SYNCRIP: variants seen among roughly 807,000 people sequenced by gnomAD.
SYNCRIP encodes the protein synaptotagmin binding cytoplasmic RNA interacting protein, also known as heterogeneous nuclear ribonucleoprotein Q.
A neutral mutation model predicts 68.9 loss-of-function variants in SYNCRIP; 9 were observed. The ratio of observed to expected loss-of-function variants is 0.13; its 90% CI spans 0.08 to 0.23. The LOEUF (loss-of-function observed/expected upper bound fraction) is 0.23. Ranked by LOEUF, SYNCRIP falls within the 10% of genes least tolerant of loss-of-function variation. The pLI is 1.00. For missense variants in SYNCRIP, 414 were observed against 770.6 expected, an observed-to-expected ratio of 0.54 and a Z score of 5.48; for synonymous variants, 258 against 254.0, an observed-to-expected ratio of 1.02 and a Z score of -0.15.
intron 9 of SYNCRIP, 152 bp downstream of exon 9, chr6:85,619,116 A>G (rs1249806211): frequency 1.5e-5 from 18 of 1,240,044 alleles, no homozygotes; most frequent in Admixed American, 7.6e-5. Flanking sequence ...TTTACTTAGA[A>G]AACTGCCAAC....
chr6:85,608,024 A>G (rs2128272000), downstream of SYNCRIP: 1 of 152,226 alleles, frequency 6.6e-6, no homozygotes, highest in South Asian at 2.1e-4. Flanking sequence ...TATATTGGCA[A>G]GTCCCCGATT....
At chr6:85,617,513 TCTTC>T (rs1344829413) in intron 10 of SYNCRIP, among the ~76,000 whole-genome samples, 1 of 152,234 alleles carries the variant, frequency 6.6e-6, no homozygotes. Flanking sequence ...CTTTTTGTAG[TCTTC>T]CTTCATTTAC....
intron 2 of SYNCRIP, among the ~76,000 whole-genome samples, chr6:85,640,973 GTTAT>G (rs575844068): frequency 9.9e-4 from 151 of 152,246 alleles, no homozygotes; most frequent in South Asian, 2.1e-3. Context: ...CAGTTACCAA[GTTAT>G]TTAAGAAGAA....
At chr6:85,631,889 A>G (rs145758968) in intron 6 of SYNCRIP, among the ~76,000 whole-genome samples, 43 of 152,330 alleles carry the variant, frequency 2.8e-4, no homozygotes, top group African/African-American at 9.4e-4. Flanking sequence ...TAAAGGTGAT[A>G]ACGTAGCATC....
intron 6 of SYNCRIP, among the ~76,000 whole-genome samples, chr6:85,631,912 T>A (rs1807842601): frequency 6.6e-6 from 1 of 152,212 alleles, no homozygotes; most frequent in African/African-American, 2.4e-5. Context: ...ACAAAGCTCC[T>A]GTCCCTTAAC....
At chr6:85,640,979 TAAG>T (rs1809071159) in intron 2 of SYNCRIP, among the ~76,000 whole-genome samples, 2 of 152,302 alleles carry the variant, frequency 1.3e-5, no homozygotes, top group African/African-American at 4.8e-5. Flanking sequence ...CCAAGTTATT[TAAG>T]AAGAATCCTA....
At chr6:85,632,762 T>C (rs767674204) in intron 6 of SYNCRIP, among the ~76,000 whole-genome samples, 3 of 151,400 alleles carry the variant, frequency 2.0e-5, no homozygotes, top group Non-Finnish European at 4.4e-5. Flanking sequence ...GACAACATAG[T>C]GAGACACCAC....
intron 1 of SYNCRIP, 80 bp from the exon 2 acceptor site, chr6:85,641,531 T>C (rs1195322872): frequency 1.4e-6 from 2 of 1,409,626 alleles, no homozygotes; most frequent in African/African-American, 1.4e-5. Flanking sequence ...ATCTTTACTT[T>C]CTCTACCATT....
intron 4 of SYNCRIP, among the ~76,000 whole-genome samples, chr6:85,638,666 A>T (rs956712702): frequency 5.9e-5 from 9 of 152,200 alleles, no homozygotes; most frequent in South Asian, 2.1e-4. Context: ...GTTTATGAAA[A>T]ATACTGTAAT....
rs1805501161 is a variant in SYNCRIP, at chr6:85,614,088, A to G, written c.*668T>C. ...TAAATCAGTGTTGTGTAATGTGCAG[A>G]CATATTCCACACAAGAATTAACAAG... On this transcript the variant is annotated 3_prime_UTR_variant, in exon 11 of 11. Coordinates refer to ENST00000369622, the MANE Select transcript of SYNCRIP (RefSeq NM_006372.5). 3 of 985,796 alleles carry G rather than the reference A, an allele frequency of 3.0e-6. No homozygotes were observed. Among genetic ancestry groups the G allele is most frequent in the Non-Finnish European group, 3.6e-6 (3 of 829,960 alleles). The allele number at this position is 985,796 out of a possible 1,614,324, so 61.1% of individuals were successfully genotyped here.
Position 85,615,229 on chromosome 6 carries a change from A to G in SYNCRIP, c.1399T>C (p.Tyr467His), listed in dbSNP as rs1421560945. ...TGGTAATCATAACCATAATAATCAT[A>G]ATAATCTTCATATCCATAATAATCT... ...PPDYYGYEDYYDYYGYDYHNY... is the reference protein window; with the variant it reads ...PPDYYGYEDYHDYYGYDYHNY... The change falls in exon 11 of 11, where the codon TAT becomes CAT. Residue 467 changes from tyrosine to histidine, a missense_variant. By Grantham distance (83) the Tyr-to-His change is moderately conservative (BLOSUM62 2). This residue lies in a region of SYNCRIP where 72 missense variants were observed against 119.8 expected (regional missense o/e 0.60). Coordinates refer to ENST00000369622, the MANE Select transcript of SYNCRIP (RefSeq NM_006372.5). 1 of 1,608,942 alleles carries G rather than the reference A, an allele frequency of 6.2e-7. No homozygotes were observed.
At chr6:85,626,887 G>A (rs1807098539) in intron 6 of SYNCRIP, among the ~76,000 whole-genome samples, 1 of 152,070 alleles carries the variant, frequency 6.6e-6, no homozygotes, top group Non-Finnish European at 1.5e-5. Context: ...GGATGGATGT[G>A]GTCTCTGAAC....
downstream of SYNCRIP, chr6:85,612,988 A>G: frequency 1.1e-5 from 16 of 1,505,344 alleles, no homozygotes; most frequent in Non-Finnish European, 1.4e-5. Context: ...GTACATACAT[A>G]ATGATAACAT....
At chr6:85,643,418 G>C (rs973757668), upstream of SYNCRIP, 1 of 152,182 alleles carries the variant, frequency 6.6e-6, no homozygotes, top group Admixed American at 6.5e-5. Context: ...CCTTGGGTTG[G>C]GGGTGGGGGA....
intron 10 of SYNCRIP, among the ~76,000 whole-genome samples, chr6:85,616,088 C>CT (rs1485453170): frequency 3.9e-5 from 6 of 152,174 alleles, no homozygotes; most frequent in Admixed American, 1.3e-4. Flanking sequence ...ACAGGTATAA[C>CT]TTTAGTTGTC....
intron 10 of SYNCRIP, among the ~76,000 whole-genome samples, chr6:85,615,607 A>G (rs983987257): frequency 1.3e-5 from 2 of 152,198 alleles, no homozygotes; most frequent in African/African-American, 4.8e-5. Context: ...AAATCTCCCA[A>G]TAAACCTGTT....
intron 6 of SYNCRIP, among the ~76,000 whole-genome samples, chr6:85,625,489 G>A (rs1054386491): frequency 1.3e-5 from 2 of 151,794 alleles, no homozygotes; most frequent in African/African-American, 4.8e-5. Context: ...CTGGGTTCAA[G>A]CAATTCTCCT....
chr6:85,620,880 A>C (rs368043647), intron 8 of SYNCRIP, among the ~76,000 whole-genome samples: 75 of 152,298 alleles, frequency 4.9e-4, no homozygotes, highest in African/African-American at 1.7e-3. Context: ...TAAAAAAGAT[A>C]ATTTTTCCTA....
At chr6:85,618,374 CT>C (rs1806018729) in intron 10 of SYNCRIP, among the ~76,000 whole-genome samples, 1 of 151,428 alleles carries the variant, frequency 6.6e-6, no homozygotes, top group African/African-American at 2.4e-5. Flanking sequence ...AACCCCACCC[CT>C]ACTAAAAAAA....
Sources: allele counts gnomAD v4.1 joint callset (sites outside exome capture counted in the v4.1 genomes callset), GRCh38; gene constraint gnomAD v4.1.1; regional missense constraint gnomAD v4.1.1; transcripts MANE v1.5; gene names NCBI Gene and HGNC (gene_info 2026-07-23, HGNC 2026-07-21).